Variants in AGBL4 observed in about 807,000 individuals in gnomAD.
The protein encoded by AGBL4 is cytosolic carboxypeptidase 6.
AGBL4 carries 58 observed loss-of-function variants against 66.4 expected under a neutral mutation model. The observed-to-expected ratio is 0.87, with a 90% CI of 0.71 to 1.09. AGBL4 has a LOEUF of 1.09. AGBL4 is among the 50% of genes least tolerant of loss of function. The pLI is 0.00. For missense variants in AGBL4, 579 were observed against 631.0 expected (o/e 0.92, Z 0.88); for synonymous variants, 234 against 222.9 (o/e 1.05, Z -0.44).
intron 4 of AGBL4, among the ~76,000 whole-genome samples, chr1:49,117,607 A>G (rs651274): frequency 1 from 152,320 of 152,334 alleles, 76,153 homozygotes; most frequent in Middle Eastern, 1. Flanking sequence ...CTACCATGCT[A>G]TTTTGGTTAC....
chr1:48,551,781 G>A (rs567294998), intron 11 of AGBL4, among the ~76,000 whole-genome samples: 12 of 152,024 alleles, frequency 7.9e-5, no homozygotes, highest in East Asian at 1.9e-4. Context: ...CTCACTCTCC[G>A]CTCTACCCTG....
chr1:49,119,741 C>T (rs1480262856), intron 4 of AGBL4, among the ~76,000 whole-genome samples: 1 of 152,136 alleles, frequency 6.6e-6, no homozygotes, highest in Non-Finnish European at 1.5e-5. Flanking sequence ...GAGTCCAAGT[C>T]CTGGATATCT....
At chr1:48,799,253 G>C (rs1484851210) in intron 6 of AGBL4, among the ~76,000 whole-genome samples, 1 of 152,008 alleles carries the variant, frequency 6.6e-6, no homozygotes, top group Non-Finnish European at 1.5e-5. Context: ...TTATTTTCCA[G>C]CTGTTGTAAA....
chr1:48,720,032 C>T (rs973941221), intron 6 of AGBL4, among the ~76,000 whole-genome samples: 16 of 152,182 alleles, frequency 1.1e-4, no homozygotes, highest in African/African-American at 3.9e-4. Flanking sequence ...CCCTCAAGGC[C>T]TTATACCCCT....
At position 49,791,903 on chromosome 1, in the gene AGBL4, AT is replaced by A. The variant is rs1051956081; in HGVS notation, c.157+59492del. ...TTAGCTCTTTAAGGGTAGGAACCAC[AT>A]TTTTTTCACTTATGTACACCCTACG... On this transcript the variant is annotated intron_variant, in intron 2 of 13. Coordinates refer to ENST00000371839, the MANE Select transcript of AGBL4 (RefSeq NM_032785.4). Among the ~76,000 whole-genome samples the A allele has an allele frequency of 5.3e-5, 8 of 152,120 alleles. 1 individual carries two copies. The highest frequency in any genetic ancestry group is 6.8e-3 in the Middle Eastern group (2 of 292).
chr1:49,187,896 G>A (rs1394946742), intron 4 of AGBL4, among the ~76,000 whole-genome samples: 2 of 152,110 alleles, frequency 1.3e-5, no homozygotes, highest in South Asian at 2.1e-4. Context: ...TAGGTGTCGT[G>A]GGAGAAACCC....
intron 9 of AGBL4, among the ~76,000 whole-genome samples, chr1:48,607,975 T>C (rs538731278): frequency 5.3e-5 from 8 of 152,190 alleles, no homozygotes; most frequent in Non-Finnish European, 8.8e-5. Flanking sequence ...AATAACTTGA[T>C]TGAAGTCACA....
intron 11 of AGBL4, among the ~76,000 whole-genome samples, chr1:48,563,781 TTC>T (rs1185913301): frequency 6.6e-6 from 1 of 152,186 alleles, no homozygotes; most frequent in Non-Finnish European, 1.5e-5. Flanking sequence ...AGCCTCAGCA[TTC>T]TGATCTGTGA....
chr1:48,847,590 T>C (rs1646949188), intron 6 of AGBL4, among the ~76,000 whole-genome samples: 1 of 152,202 alleles, frequency 6.6e-6, no homozygotes, highest in Non-Finnish European at 1.5e-5. Flanking sequence ...GTATAGTACC[T>C]AGCAGAGTAA....
chr1:49,248,294 G>C (rs1651797863), intron 3 of AGBL4, among the ~76,000 whole-genome samples: 2 of 152,086 alleles, frequency 1.3e-5, no homozygotes, highest in African/African-American at 4.8e-5. Context: ...TTATATATTA[G>C]AATAACCTAA....
At chr1:49,961,974 GTACCAAT>G (rs1657155516) in intron 1 of AGBL4, among the ~76,000 whole-genome samples, 1 of 152,104 alleles carries the variant, frequency 6.6e-6, no homozygotes, top group Admixed American at 6.6e-5. Context: ...TGGAGATCAA[GTACCAAT>G]TATATTTTGT....
chr1:48,584,334 G>A (rs909205737), intron 11 of AGBL4: 4 of 152,078 alleles, frequency 2.6e-5, no homozygotes, highest in Non-Finnish European at 5.9e-5. Flanking sequence ...ACCACTTACA[G>A]CTTCTGCCCA....
intron 3 of AGBL4, among the ~76,000 whole-genome samples, chr1:49,671,930 T>C (rs1286183471): frequency 6.6e-6 from 1 of 152,108 alleles, no homozygotes; most frequent in African/African-American, 2.4e-5. Flanking sequence ...AGTATGGCAA[T>C]TCCTCAAAGA....
intron 3 of AGBL4, among the ~76,000 whole-genome samples, chr1:49,683,880 T>C (rs953996421): frequency 2.0e-5 from 3 of 152,160 alleles, no homozygotes; most frequent in Non-Finnish European, 4.4e-5. Flanking sequence ...TCAATACTGA[T>C]GTGGAAGTGT....
At chr1:49,082,143 T>C (rs1274639802) in intron 4 of AGBL4, among the ~76,000 whole-genome samples, 1 of 152,244 alleles carries the variant, frequency 6.6e-6, no homozygotes, top group African/African-American at 2.4e-5. Context: ...AACTATCCAC[T>C]ATATGTACTT....
At chr1:49,453,584 T>C (rs1646326078) in intron 3 of AGBL4, among the ~76,000 whole-genome samples, 1 of 151,858 alleles carries the variant, frequency 6.6e-6, no homozygotes, top group African/African-American at 2.4e-5. Flanking sequence ...AATGATATGT[T>C]GCTACTAAAA....
At chr1:49,408,861 A>G (rs1645258637) in intron 3 of AGBL4, among the ~76,000 whole-genome samples, 1 of 152,118 alleles carries the variant, frequency 6.6e-6, no homozygotes, top group Non-Finnish European at 1.5e-5. Flanking sequence ...TCACTTTGTG[A>G]TCGTGTGAGT....
At chr1:49,989,613 T>C (rs1167978376) in intron 1 of AGBL4, among the ~76,000 whole-genome samples, 1 of 152,232 alleles carries the variant, frequency 6.6e-6, no homozygotes. Flanking sequence ...CATCAATGAA[T>C]GTCCTCTATT....
intron 3 of AGBL4, among the ~76,000 whole-genome samples, chr1:49,561,588 G>C (rs1644046398): frequency 6.6e-6 from 1 of 151,920 alleles, no homozygotes; most frequent in Non-Finnish European, 1.5e-5. Flanking sequence ...ATAGTTTGCT[G>C]AGAATGATGG....
Sources: allele counts gnomAD v4.1 joint callset (sites outside exome capture counted in the v4.1 genomes callset), GRCh38; gene constraint gnomAD v4.1.1; transcripts MANE v1.5; gene names NCBI Gene and HGNC (gene_info 2026-07-23, HGNC 2026-07-21).